ASZ1: variants seen among roughly 807,000 people sequenced by gnomAD.
ASZ1 encodes the protein ankyrin repeat, SAM and basic leucine zipper domain containing 1, also known as ankyrin repeat, SAM and basic leucine zipper domain-containing protein 1.
A neutral mutation model predicts 61.8 loss-of-function variants in ASZ1; 67 were observed. That is an observed-to-expected ratio of 1.08 (90% CI 0.89 to 1.33). The LOEUF (loss-of-function observed/expected upper bound fraction) is 1.33. ASZ1 is among the 40% of genes most tolerant of loss of function. The pLI is 0.00. For missense variants in ASZ1, 577 were observed against 554.5 expected, an observed-to-expected ratio of 1.04 and a Z score of -0.41; for synonymous variants, 193 against 192.7, an observed-to-expected ratio of 1.00 and a Z score of -0.01.
At chr7:117,415,040 G>C (rs1472942149) in intron 4 of ASZ1, among the ~76,000 whole-genome samples, 1 of 152,032 alleles carries the variant, frequency 6.6e-6, no homozygotes, top group Non-Finnish European at 1.5e-5. Flanking sequence ...TAGTTCTAGA[G>C]TTCTAGATCC....
chr7:117,419,955 C>T (rs117686839), intron 4 of ASZ1, among the ~76,000 whole-genome samples: 1,650 of 152,222 alleles, frequency 0.011, 18 homozygotes, highest in Middle Eastern at 0.027. Context: ...ATTCTTATGA[C>T]GTTTCTCTCA....
intron 7 of ASZ1, among the ~76,000 whole-genome samples, chr7:117,382,582 A>T (rs1796276159): frequency 6.6e-6 from 1 of 152,136 alleles, no homozygotes; most frequent in Non-Finnish European, 1.5e-5. Flanking sequence ...TAAATGGGGT[A>T]AGGAGAGAAT....
rs559942443 is a variant in ASZ1 at position 117,385,878 on chromosome 7, A to G, written c.441-69T>C. The G allele has an allele frequency of 5.8e-5, 73 of 1,249,600 alleles. No individual in the cohort carries two copies. In the Admixed American group the frequency reaches 1.3e-3, roughly 22 times the overall value. The allele number at this position is 1,249,600 out of a possible 1,614,324, so 77.4% of individuals were successfully genotyped here. On this transcript the variant is annotated intron_variant, in intron 4 of 12. Coordinates refer to ENST00000284629, the MANE Select transcript of ASZ1 (RefSeq NM_130768.3). ...TTAATCTCTCATTTTCATTAATTTA[A>G]CCATACACAATACCACCAGTACTGC...
chr7:117,414,164 T>C (rs1474504315), intron 4 of ASZ1, among the ~76,000 whole-genome samples: 1 of 152,106 alleles, frequency 6.6e-6, no homozygotes. Context: ...GATGAGAGAT[T>C]TTCTAGAACT....
chr7:117,406,915 T>C (rs1018877566), intron 4 of ASZ1, among the ~76,000 whole-genome samples: 3 of 152,158 alleles, frequency 2.0e-5, no homozygotes, highest in African/African-American at 4.8e-5. Flanking sequence ...GTAAAGAATG[T>C]ATGTTATAAT....
At chr7:117,379,164 T>TACACACACAC (rs1384419878) in intron 10 of ASZ1, among the ~76,000 whole-genome samples, 65 of 59,458 alleles carry the variant, frequency 1.1e-3, no homozygotes, top group African/African-American at 5.9e-3. Flanking sequence ...TATATATATA[T>TACACACACAC]ATATACACAC....
intron 10 of ASZ1, among the ~76,000 whole-genome samples, chr7:117,378,582 CA>C (rs1243584285): frequency 6.6e-6 from 1 of 152,010 alleles, no homozygotes; most frequent in Non-Finnish European, 1.5e-5. Context: ...TTGCTAGAAA[CA>C]TAAAACAGTA....
At chr7:117,383,252 C>A in intron 6 of ASZ1, 142 bp from the exon 7 acceptor site, 1 of 991,548 alleles carries the variant, frequency 1.0e-6, no homozygotes. Flanking sequence ...CAATTTACTA[C>A]CCTGATAACA....
intron 9 of ASZ1, among the ~76,000 whole-genome samples, chr7:117,380,584 T>A (rs945073912): frequency 6.6e-6 from 1 of 151,612 alleles, no homozygotes; most frequent in Non-Finnish European, 1.5e-5. Flanking sequence ...CTCTAATACA[T>A]CCCGCAGCTA....
chr7:117,373,437 TGCA>T (rs1455702133), intron 10 of ASZ1, among the ~76,000 whole-genome samples: 1 of 152,192 alleles, frequency 6.6e-6, no homozygotes, highest in African/African-American at 2.4e-5. Flanking sequence ...AGTGTGTGTA[TGCA>T]TTGTTGTAAC....
intron 4 of ASZ1, among the ~76,000 whole-genome samples, chr7:117,392,767 T>G (rs1158277368): frequency 1.3e-5 from 2 of 152,188 alleles, no homozygotes; most frequent in Non-Finnish European, 2.9e-5. Context: ...ACACAAGTGC[T>G]GATATAAAGG....
intron 4 of ASZ1, among the ~76,000 whole-genome samples, chr7:117,419,273 C>T (rs776418043): frequency 6.6e-6 from 1 of 152,130 alleles, no homozygotes; most frequent in Admixed American, 6.5e-5. Context: ...TGCTTGAGAA[C>T]CACTACAACT....
chr7:117,388,764 T>C (rs544373715), intron 4 of ASZ1, among the ~76,000 whole-genome samples: 2 of 152,156 alleles, frequency 1.3e-5, no homozygotes, highest in African/African-American at 4.8e-5. Flanking sequence ...CTACCCAACA[T>C]TGTATTGGAA....
At chr7:117,395,186 G>T (rs1796553834) in intron 4 of ASZ1, among the ~76,000 whole-genome samples, 1 of 152,096 alleles carries the variant, frequency 6.6e-6, no homozygotes, top group South Asian at 2.1e-4. Context: ...TTTGGCGAGC[G>T]ACTCTTTTTC....
At chr7:117,368,294 T>A (rs190010391) in intron 11 of ASZ1, 2 of 992,178 alleles carry the variant, frequency 2.0e-6, no homozygotes, top group Non-Finnish European at 2.4e-6. Context: ...AATAACACAC[T>A]GTTTTATTTC....
In ASZ1 at chr7:117,364,487, C is replaced by T. The variant is rs887821391; in HGVS notation, c.1276-739G>A. ...AGAGAAAAGACTTAAAGAGGGAGGG[C>T]TGAGAGGAGAGGGATGGCTTTTGGG... On this transcript the variant is annotated intron_variant, in intron 12 of 12. Coordinates refer to ENST00000284629, the MANE Select transcript of ASZ1 (RefSeq NM_130768.3). Among the ~76,000 whole-genome samples, 3 of 150,810 alleles carry T rather than the reference C, an allele frequency of 2.0e-5. No homozygotes were observed. The East Asian group carries it at 5.8e-4, about 29-fold the overall frequency.
At chr7:117,413,643 A>G (rs545115875) in intron 4 of ASZ1, among the ~76,000 whole-genome samples, 21 of 152,210 alleles carry the variant, frequency 1.4e-4, no homozygotes, top group Admixed American at 7.9e-4. Flanking sequence ...TAAGTCCCAC[A>G]GATGGAAAAT....
At chr7:117,367,891 C>CT (rs201888034) in intron 11 of ASZ1, 17,086 of 983,538 alleles carry the variant, frequency 0.017, 205 homozygotes, top group Non-Finnish European at 0.018. Context: ...CTTTTTCTTT[C>CT]TTTTTTTTGA....
At position 117,422,283 on chromosome 7, in the gene ASZ1, C is replaced by A. The variant is rs747454103; in HGVS notation, c.282G>T (p.Leu94=). 6.2e-7 allele frequency: 1 copy of A among 1,613,892 alleles called. No individual in the cohort carries two copies. ...MYAASVANAE[L]VRVLLDRGAN... The stretch of plus-strand genomic sequence containing the variant: ...CACCTCTGTCCAAAAGGACCCGAAC[C>A]AGCTCTGCATTGGCAACACTAGCAG... The change falls in exon 3 of 13, where the codon CTG becomes CTT. Residue 94 remains leucine, a synonymous_variant. Transcript: ENST00000284629.
Sources: allele counts gnomAD v4.1 joint callset (sites outside exome capture counted in the v4.1 genomes callset), GRCh38; gene constraint gnomAD v4.1.1; transcripts MANE v1.5; gene names NCBI Gene and HGNC (gene_info 2026-07-23, HGNC 2026-07-21).